Variants in SIN3A observed in about 807,000 individuals in gnomAD.
SIN3A encodes the protein SIN3 transcription regulator family member A.
SIN3A carries 14 observed loss-of-function variants against 146.1 expected under a neutral mutation model. The ratio of observed to expected loss-of-function variants is 0.10; its 90% CI spans 0.06 to 0.15. SIN3A has a LOEUF of 0.15. SIN3A is among the 10% of genes least tolerant of loss of function. The pLI is 1.00. For missense variants in SIN3A, 1,028 were observed against 1,576.0 expected (o/e 0.65, Z 5.89); for synonymous variants, 572 against 572.0 (o/e 1.00, Z 0.00).
intron 11 of SIN3A, 113 bp from the exon 12 acceptor site, chr15:75,400,269 T>C (rs910133502): frequency 3.2e-6 from 2 of 626,824 alleles, no homozygotes; most frequent in South Asian, 4.2e-5. Flanking sequence ...CTAATATTAC[T>C]TCACAAATTT....
chr15:75,407,407 G>A (rs1225372098), intron 8 of SIN3A, among the ~76,000 whole-genome samples: 2 of 152,116 alleles, frequency 1.3e-5, no homozygotes, highest in Admixed American at 1.3e-4. Context: ...AAATGATCAT[G>A]ACATTACTGT....
chr15:75,399,713 C>T (rs1427146037), intron 12 of SIN3A, among the ~76,000 whole-genome samples: 2 of 152,144 alleles, frequency 1.3e-5, no homozygotes, highest in African/African-American at 4.8e-5. Context: ...GTACTATAAA[C>T]CTTAGGATAC....
chr15:75,388,826 T>G (rs2073141682), intron 16 of SIN3A: 1 of 152,676 alleles, frequency 6.5e-6, no homozygotes, highest in African/African-American at 2.4e-5. Context: ...AAAGGAAAAA[T>G]GAAGCCCTGC....
Position 75,375,854 on chromosome 15 carries a change from C to T in SIN3A, c.3402G>A (p.Arg1134=). The change falls in exon 20 of 21, where the codon CGG becomes CGA. Residue 1134 remains arginine, a synonymous_variant. Transcript: ENST00000394947. ...VFLPRNLRRI[R]KCQRGREQQE... The stretch of plus-strand genomic sequence containing the variant: ...GCTGCTCTCGACCACGTTGACACTT[C>T]CGGATCCGCCGTAGATTCCTATTGC... 1 of 1,614,076 alleles carries T rather than the reference C, an allele frequency of 6.2e-7. No homozygotes were observed. Among genetic ancestry groups the T allele is most frequent in the East Asian group, 2.2e-5 (1 of 44,888 alleles).
At chr15:75,454,979 G>C (rs546707066), upstream of SIN3A, 9 of 152,214 alleles carry the variant, frequency 5.9e-5, no homozygotes, top group South Asian at 1.7e-3. Flanking sequence ...CAGGGAGTTT[G>C]GAGACCCGGC....
At chr15:75,390,407 A>T (rs1033589294) in intron 15 of SIN3A, among the ~76,000 whole-genome samples, 1 of 152,240 alleles carries the variant, frequency 6.6e-6, no homozygotes, top group East Asian at 1.9e-4. Flanking sequence ...GTATTTCACA[A>T]ATTGCATTAA....
intron 2 of SIN3A, among the ~76,000 whole-genome samples, chr15:75,427,442 C>T (rs28736301): frequency 1.3e-5 from 2 of 151,894 alleles, no homozygotes; most frequent in Non-Finnish European, 2.9e-5. Context: ...GGCAGACAGG[C>T]GGATCACCTG....
chr15:75,375,276 C>G (rs1382149155), intron 20 of SIN3A, among the ~76,000 whole-genome samples: 1 of 152,128 alleles, frequency 6.6e-6, no homozygotes, highest in Non-Finnish European at 1.5e-5. Context: ...GTGACCTCAT[C>G]TGGAGGCAGA....
chr15:75,435,654 C>T (rs1157613437), intron 1 of SIN3A, among the ~76,000 whole-genome samples: 1 of 149,000 alleles, frequency 6.7e-6, no homozygotes, highest in Non-Finnish European at 1.5e-5. Flanking sequence ...GCCAAGATGG[C>T]GCCACTGCAC....
chr15:75,397,597 C>T (rs1317331415), intron 12 of SIN3A, among the ~76,000 whole-genome samples: 3 of 152,106 alleles, frequency 2.0e-5, no homozygotes, highest in African/African-American at 7.2e-5. Context: ...GAAATTAAAC[C>T]CATTGGTTTT....
intron 20 of SIN3A, among the ~76,000 whole-genome samples, chr15:75,374,095 A>G (rs569501649): frequency 5.9e-5 from 9 of 152,338 alleles, no homozygotes; most frequent in African/African-American, 2.2e-4. Context: ...TAAGCAAAAC[A>G]AAACAAACCA....
intron 16 of SIN3A, 57 bp downstream of exon 16, chr15:75,389,595 C>A: frequency 6.4e-7 from 1 of 1,563,298 alleles, no homozygotes; most frequent in South Asian, 1.1e-5. Context: ...CTTGCGTGGC[C>A]CATCTCTAGG....
chr15:75,403,883 G>A (rs1189627499), intron 9 of SIN3A, among the ~76,000 whole-genome samples: 1 of 152,122 alleles, frequency 6.6e-6, no homozygotes, highest in Non-Finnish European at 1.5e-5. Flanking sequence ...AAGAATCTTT[G>A]CCAAGGCTGT....
At chr15:75,418,815 C>A (rs1327533980) in intron 3 of SIN3A, among the ~76,000 whole-genome samples, 1 of 152,046 alleles carries the variant, frequency 6.6e-6, no homozygotes, top group African/African-American at 2.4e-5. Flanking sequence ...AGTGCAGTGG[C>A]GCTTTCCCGG....
chr15:75,403,070 C>A (rs1355252623), intron 9 of SIN3A, among the ~76,000 whole-genome samples: 1 of 152,164 alleles, frequency 6.6e-6, no homozygotes, highest in Admixed American at 6.5e-5. Flanking sequence ...GAATTGGGAA[C>A]CGCTAAAGCT....
chr15:75,407,746 A>G (rs993157449), intron 8 of SIN3A, among the ~76,000 whole-genome samples: 1 of 151,738 alleles, frequency 6.6e-6, no homozygotes, highest in African/African-American at 2.4e-5. Flanking sequence ...CAAAAAAATT[A>G]GCTGGGCGTG....
In SIN3A at chr15:75,392,393, C is replaced by G. The variant is rs1334022873; in HGVS notation, c.2700G>C (p.Gln900His). ...NNWYIFMRLHQILCLRLLRIC... is the reference protein window; with the variant it reads ...NNWYIFMRLHHILCLRLLRIC... ...TCCGTAGCAGCCTCAGGCAGAGAAT[C>G]TGGTGCAGTCGCATAAAAATATACC... is the stretch of plus-strand genomic sequence containing the variant. Residue 900 changes from glutamine (Q) to histidine (H), a missense_variant, in exon 15 of 21, where the codon CAG (glutamine) becomes CAC (histidine). Gln to His is a conservative substitution (Grantham distance 24, BLOSUM62 0). Transcript: ENST00000394947. 3.7e-6 allele frequency: 6 copies of G among 1,614,266 alleles called. No homozygotes were observed. Among genetic ancestry groups the G allele is most frequent in the Admixed American group, 1.7e-5 (1 of 60,028 alleles).
chr15:75,446,758 T>C (rs560013912), intron 1 of SIN3A, among the ~76,000 whole-genome samples: 1 of 151,930 alleles, frequency 6.6e-6, no homozygotes, highest in Non-Finnish European at 1.5e-5. Context: ...CCCAAAATGG[T>C]GAAATTACAG....
intron 12 of SIN3A, among the ~76,000 whole-genome samples, 185 bp from the exon 13 acceptor site, chr15:75,396,681 C>T (rs2073310953): frequency 6.6e-6 from 1 of 152,122 alleles, no homozygotes; most frequent in Non-Finnish European, 1.5e-5. Flanking sequence ...CTCTCACAAC[C>T]CTGTGTCTGG....
Sources: gnomAD v4.1 joint callset for allele counts (sites outside exome capture counted in the v4.1 genomes callset) on GRCh38, gnomAD v4.1.1 for gene constraint, MANE v1.5 for transcripts, NCBI Gene and HGNC (gene_info 2026-07-23, HGNC 2026-07-21) for gene names.